The following BCL11A variants were observed in gnomAD, a reference collection of about 807,000 sequenced individuals.
BCL11A encodes the protein BCL11 transcription factor A.
Under a neutral mutation model 55.9 loss-of-function variants are expected in BCL11A, and 2 were observed. That is an observed-to-expected ratio of 0.04 (90% CI 0.01 to 0.11). BCL11A has a LOEUF of 0.11. BCL11A is among the 10% of genes least tolerant of loss of function. The pLI, the probability that BCL11A is intolerant of heterozygous loss-of-function variation, is 1.00. For missense variants in BCL11A, 817 were observed against 1,137.1 expected (o/e 0.72, Z 4.05); for synonymous variants, 465 against 473.4 (o/e 0.98, Z 0.23).
rs1677977496 is a variant in BCL11A, at chr2:60,481,818, C to T, written c.386-12985G>A. On this transcript the variant is annotated intron_variant, in intron 2 of 3. Coordinates refer to ENST00000642384, the MANE Select transcript of BCL11A (RefSeq NM_022893.4). ...TGGTGGGAGAGCCTTTTGACCATCACAGTGTCCTGGAATGAGCTCAGCATG... is the reference window on the plus strand; with the variant it reads ...TGGTGGGAGAGCCTTTTGACCATCATAGTGTCCTGGAATGAGCTCAGCATG... 2.0e-5 allele frequency among the ~76,000 whole-genome samples: 3 copies of T among 152,292 alleles called. No individual in the cohort carries two copies. In the South Asian group the frequency reaches 6.2e-4, roughly 32 times the overall value.
At chr2:60,529,335 C>T (rs1402874034) in intron 2 of BCL11A, among the ~76,000 whole-genome samples, 2 of 152,170 alleles carry the variant, frequency 1.3e-5, no homozygotes, top group Non-Finnish European at 2.9e-5. Context: ...TGAGGCAAGC[C>T]CCGTGATTCT....
chr2:60,524,651 T>C (rs1391474395), intron 2 of BCL11A: 1 of 152,176 alleles, frequency 6.6e-6, no homozygotes, highest in Non-Finnish European at 1.5e-5. Context: ...ATTGAAGCTA[T>C]AGATCTCAAG....
At chr2:60,467,679 T>A (rs1228488158) in intron 3 of BCL11A, among the ~76,000 whole-genome samples, 6 of 94,612 alleles carry the variant, frequency 6.3e-5, no homozygotes, top group Non-Finnish European at 6.7e-5. Context: ...GTGGTGATGG[T>A]GATGGTGGTG....
intron 2 of BCL11A, among the ~76,000 whole-genome samples, chr2:60,481,239 C>T (rs949585731): frequency 2.0e-5 from 3 of 152,126 alleles, no homozygotes; most frequent in African/African-American, 7.2e-5. Flanking sequence ...TCCCAGCACC[C>T]CATTCCCAAA....
chr2:60,529,469 G>A (rs1223686221), intron 2 of BCL11A, among the ~76,000 whole-genome samples: 1 of 152,152 alleles, frequency 6.6e-6, no homozygotes, highest in Non-Finnish European at 1.5e-5. Flanking sequence ...TAATCAAAGA[G>A]AAGAAGAAAA....
At chr2:60,454,823 C>T (rs944141490), downstream of BCL11A, among the ~76,000 whole-genome samples, 1 of 152,198 alleles carries the variant, frequency 6.6e-6, no homozygotes, top group Non-Finnish European at 1.5e-5. Context: ...CACTTCCTTT[C>T]AAGTTCTCAC....
Position 60,546,256 on chromosome 2 carries a change from C to A in BCL11A, c.100G>T (p.Gly34Cys). 6.2e-7 allele frequency: 1 copy of A among 1,614,038 alleles called. No individual in the cohort carries two copies. The highest frequency in any genetic ancestry group is 2.2e-5 in the East Asian group (1 of 44,894). Residue 34 changes from glycine (G) to cysteine (C), a missense_variant, in exon 2 of 4, where the codon GGC (glycine) becomes TGC (cysteine). Gly to Cys is a radical substitution (Grantham distance 159). Coordinates refer to ENST00000642384, the MANE Select transcript of BCL11A (RefSeq NM_022893.4). This position sits in a 1 kb window ranked among gnomAD's most constrained non-coding sequence, Gnocchi z 4.1. ...AILTDDEPDH[G>C]PLGAPEGDHD... Reference sequence around the variant, plus strand: ...TCCCCTTCTGGAGCTCCCAACGGGCCGTGGTCTGGTTCATCATCTGTAAGA... The same window carrying A: ...TCCCCTTCTGGAGCTCCCAACGGGCAGTGGTCTGGTTCATCATCTGTAAGA...
intron 2 of BCL11A, chr2:60,535,833 G>A (rs1246535473): frequency 2.0e-5 from 3 of 152,204 alleles, no homozygotes; most frequent in African/African-American, 7.2e-5. Context: ...GAAAGTTGTG[G>A]TGTCCACCCA....
At chr2:60,534,811 T>C (rs1299969569) in intron 2 of BCL11A, 1 of 152,220 alleles carries the variant, frequency 6.6e-6, no homozygotes, top group Non-Finnish European at 1.5e-5. Flanking sequence ...TCAAAAGTGA[T>C]TAACAACAGC....
chr2:60,492,813 G>A (rs537157655), intron 2 of BCL11A, among the ~76,000 whole-genome samples: 18 of 152,246 alleles, frequency 1.2e-4, no homozygotes, highest in Middle Eastern at 3.4e-3. Context: ...GTTTTGTTTC[G>A]CTTTAGCTTT....
Position 60,460,644 on chromosome 2 carries a change from A to T in BCL11A, c.2268T>A (p.Asn756Lys). The change falls in exon 4 of 4, where the codon AAT becomes AAA. Residue 756 changes from asparagine (N) to lysine (K), a missense_variant. By Grantham distance (94) the Asn-to-Lys change is moderately conservative. Coordinates refer to ENST00000642384, the MANE Select transcript of BCL11A (RefSeq NM_022893.4). ...TGTGGCTTCTCCTGTGGACAGTGAG[A>T]TTGCTACAGTTCTTGAAGACTTTCC... ...YCGKVFKNCS[N>K]LTVHRRSHTG... 1 of 1,614,064 alleles carries T rather than the reference A, an allele frequency of 6.2e-7. No homozygotes were observed. The highest frequency in any genetic ancestry group is 8.5e-7 in the Non-Finnish European group (1 of 1,180,022).
chr2:60,455,661 G>C (rs1018262870), downstream of BCL11A, among the ~76,000 whole-genome samples: 1 of 152,122 alleles, frequency 6.6e-6, no homozygotes, highest in South Asian at 2.1e-4. Context: ...TGTCTGTCAG[G>C]ATGCAAAACC....
intron 2 of BCL11A, among the ~76,000 whole-genome samples, chr2:60,496,882 T>A (rs1003641551): frequency 6.6e-6 from 1 of 152,140 alleles, no homozygotes; most frequent in African/African-American, 2.4e-5. Flanking sequence ...AAAAGCAGCA[T>A]GCAAACTGAA....
intron 2 of BCL11A, among the ~76,000 whole-genome samples, chr2:60,476,283 A>G (rs1169682032): frequency 6.6e-6 from 1 of 152,242 alleles, no homozygotes; most frequent in African/African-American, 2.4e-5. Flanking sequence ...CTGAGCTTCA[A>G]GGAGGAAACC....
intron 2 of BCL11A, among the ~76,000 whole-genome samples, chr2:60,498,718 G>A (rs1051165543): frequency 4.6e-5 from 7 of 152,190 alleles, no homozygotes; most frequent in African/African-American, 1.4e-4. Context: ...GGTGACAAGG[G>A]GAGAAACCAG....
chr2:60,540,682 A>G (rs1669878861), intron 2 of BCL11A, among the ~76,000 whole-genome samples: 2 of 152,198 alleles, frequency 1.3e-5, no homozygotes, highest in African/African-American at 4.8e-5. Flanking sequence ...CTGCAGTGTG[A>G]AATTAATGAT....
chr2:60,524,111 A>G (rs1164142144), intron 2 of BCL11A, among the ~76,000 whole-genome samples: 1 of 152,250 alleles, frequency 6.6e-6, no homozygotes, highest in Non-Finnish European at 1.5e-5. Flanking sequence ...TTTCGCAAAC[A>G]AAATATGCCA....
At chr2:60,500,849 T>C (rs1679240527) in intron 2 of BCL11A, among the ~76,000 whole-genome samples, 1 of 152,194 alleles carries the variant, frequency 6.6e-6, no homozygotes, top group Admixed American at 6.5e-5. Flanking sequence ...CTTTAACCTC[T>C]CCAAGCCTCA....
At position 60,473,096 on chromosome 2, in the gene BCL11A, A is replaced by G. The variant is rs145082739; in HGVS notation, c.386-4263T>C. ...ATTGTGACTGTGTGCATGTGTGTGTATGCTTGTGCATGTGTTAGCATGTGC... is the reference window on the plus strand; with the variant it reads ...ATTGTGACTGTGTGCATGTGTGTGTGTGCTTGTGCATGTGTTAGCATGTGC... On this transcript the variant is annotated intron_variant, in intron 2 of 3. Coordinates refer to ENST00000642384, the MANE Select transcript of BCL11A (RefSeq NM_022893.4). Among the ~76,000 whole-genome samples, 400 of 148,962 alleles carry G rather than the reference A, an allele frequency of 2.7e-3. 2 individuals carry two copies. Among genetic ancestry groups the G allele is most frequent in the African/African-American group, 9.1e-3 (375 of 41,194 alleles).
Sources: gnomAD v4.1 joint callset for allele counts (sites outside exome capture counted in the v4.1 genomes callset) on GRCh38, gnomAD v4.1.1 for gene constraint, Gnocchi (gnomAD v3.1) non-coding constraint, MANE v1.5 for transcripts, NCBI Gene and HGNC (gene_info 2026-07-23, HGNC 2026-07-21) for gene names.